RHBDD2: variants seen among roughly 807,000 people sequenced by gnomAD.
RHBDD2 encodes the protein rhomboid domain-containing protein 2.
Under a neutral mutation model 21.7 loss-of-function variants are expected in RHBDD2, and 13 were observed. The ratio of observed to expected loss-of-function variants is 0.60; its 90% confidence interval spans 0.39 to 0.95. RHBDD2 has a LOEUF of 0.95. Ranked by LOEUF, RHBDD2 falls within the 40% of genes least tolerant of loss-of-function variation. The pLI, the probability that RHBDD2 is intolerant of heterozygous loss-of-function variation, is 0.00. For missense variants in RHBDD2, 473 were observed against 478.9 expected (o/e 0.99, Z 0.11); for synonymous variants, 225 against 220.0 (o/e 1.02, Z -0.20).
In RHBDD2 at chr7:75,882,033, A is replaced by C; in HGVS notation, c.383A>C (p.Glu128Ala). The C allele has an allele frequency of 6.2e-7, 1 of 1,613,814 alleles. No individual in the cohort carries two copies. The highest frequency in any genetic ancestry group is 2.2e-5 in the East Asian group (1 of 44,860). ...GTGTCATCACTGTCAAAGCTGGGGG[A>C]AGTGGAGGATGCCAGAGGTTTCACC... ...EAVSSLSKLG[E>A]VEDARGFTPV... The change falls in exon 2 of 4, where the codon GAA becomes GCA. Residue 128 changes from glutamate (E) to alanine (A), a missense_variant. By Grantham distance (107) the Glu-to-Ala change is moderately radical. Transcript: ENST00000006777.
At chr7:75,884,666 T>C (rs1805546860) in intron 3 of RHBDD2, among the ~76,000 whole-genome samples, 1 of 152,094 alleles carries the variant, frequency 6.6e-6, no homozygotes, top group South Asian at 2.1e-4. Flanking sequence ...GCTTCTGAAG[T>C]AGCAACAGCA....
intron 1 of RHBDD2, among the ~76,000 whole-genome samples, chr7:75,880,822 A>G (rs7792286): frequency 6.6e-6 from 1 of 151,908 alleles, no homozygotes; most frequent in African/African-American, 2.4e-5. Flanking sequence ...AACTCCTGGA[A>G]TCAAGCGAGC....
At chr7:75,881,523 G>A in intron 1 of RHBDD2, 8 of 1,335,962 alleles carry the variant, frequency 6.0e-6, no homozygotes, top group Non-Finnish European at 7.8e-6. Flanking sequence ...GGATTATAAA[G>A]CACTTTACAA....
At position 75,879,099 on chromosome 7, in the gene RHBDD2, C is replaced by T. The variant is rs1196129523; in HGVS notation, c.17C>T (p.Pro6Leu). MAASG[P>L]GCRSWCLCPE... The stretch of plus-strand genomic sequence containing the variant: ...ACGGCGGCCATGGCGGCCTCGGGGC[C>T]CGGGTGTCGCAGCTGGTGCTTGTGT... The change falls in exon 1 of 4, where the codon CCC becomes CTC. Residue 6 changes from proline to leucine, a missense_variant. Coordinates refer to ENST00000006777, the MANE Select transcript of RHBDD2 (RefSeq NM_001040456.3). The T allele has an allele frequency of 2.2e-6, 3 of 1,367,482 alleles. No individual in the cohort carries two copies. Among genetic ancestry groups the T allele is most frequent in the Admixed American group, 3.7e-5 (1 of 26,952 alleles). 84.7% of individuals were successfully genotyped at this position (1,367,482 alleles called of 1,614,324 possible).
rs782040317 is a variant in RHBDD2 at position 75,888,517 on chromosome 7, A to G, written c.*168A>G. The G allele has an allele frequency of 1.3e-5, 8 of 612,056 alleles. No individual in the cohort carries two copies. Among genetic ancestry groups the G allele is most frequent in the Non-Finnish European group, 2.0e-5 (7 of 348,594 alleles). The allele number at this position is 612,056 out of a possible 1,614,324, so 37.9% of individuals were successfully genotyped here. ...TGTACTCACGGCAGCCCTGTGGAGTACGGTGTACTGGCCCAGCTTACAGAT... is the reference window on the plus strand; with the variant it reads ...TGTACTCACGGCAGCCCTGTGGAGTGCGGTGTACTGGCCCAGCTTACAGAT... On this transcript the variant is annotated 3_prime_UTR_variant, in exon 4 of 4. Coordinates refer to ENST00000006777, the MANE Select transcript of RHBDD2 (RefSeq NM_001040456.3).
At chr7:75,887,621 G>GC (rs1805758330) in intron 3 of RHBDD2, among the ~76,000 whole-genome samples, 2 of 152,082 alleles carry the variant, frequency 1.3e-5, no homozygotes, top group African/African-American at 4.8e-5. Context: ...ACCATGCCCA[G>GC]CCTGAATCCG....
rs114563143 is a variant in RHBDD2, at chr7:75,883,223, A to G, written c.587-475A>G. On this transcript the variant is annotated intron_variant, in intron 2 of 3. Transcript: ENST00000006777. The stretch of plus-strand genomic sequence containing the variant: ...ATTCCCGGTGAGGCACAGTGAGTAG[A>G]AACCTTTGGCTCTGGGGTCAGGCGC... Among the ~76,000 whole-genome samples the G allele has an allele frequency of 2.5e-3, 381 of 152,292 alleles. 2 individuals carry two copies. Among genetic ancestry groups the G allele is most frequent in the African/African-American group, 8.8e-3 (366 of 41,574 alleles).
chr7:75,881,945 C>A lies in RHBDD2; in HGVS notation c.295C>A (p.His99Asn), dbSNP rs782349445. ...NFERTVGTVR[H>N]CFFTVIFAIF... ...CGAGAGAACCGTGGGCACCGTCCGC[C>A]ACTGCTTCTTCACCGTGATCTTCGC... Residue 99 changes from histidine (H) to asparagine (N), a missense_variant, in exon 2 of 4, where the codon CAC becomes AAC. His to Asn is a moderately conservative substitution (Grantham distance 68). Transcript: ENST00000006777. 1.9e-6 allele frequency: 3 copies of A among 1,614,136 alleles called. No homozygotes were observed. In the African/African-American group the frequency reaches 4.0e-5, roughly 22 times the overall value.
chr7:75,886,762 C>T (rs1426473135), intron 3 of RHBDD2, among the ~76,000 whole-genome samples: 1 of 150,936 alleles, frequency 6.6e-6, no homozygotes, highest in Non-Finnish European at 1.5e-5. Context: ...TGCAGTGAGC[C>T]GAGATCGCGC....
Position 75,883,902 on chromosome 7 carries a change from T to A in RHBDD2, c.737+54T>A, listed in dbSNP as rs192837060. ...AAATCTTTTTTAAAAAAAAAATTAT[T>A]TTTTTTTTTTGAGACGGAGTCTCAC... On this transcript the variant is annotated intron_variant, in intron 3 of 3. Coordinates refer to ENST00000006777, the MANE Select transcript of RHBDD2 (RefSeq NM_001040456.3). 7,000 of 1,430,672 alleles carry A rather than the reference T, an allele frequency of 4.9e-3. 138 individuals carry two copies. In the African/African-American group the frequency reaches 0.063, roughly 13 times the overall value. 88.6% of individuals were successfully genotyped at this position (1,430,672 alleles called of 1,614,324 possible). A position where few individuals can be genotyped will look rare whatever the true frequency, so the allele number is the denominator to read the frequency against.
chr7:75,881,137 A>G lies in RHBDD2; in HGVS notation c.179-692A>G, dbSNP rs114269827. Among the ~76,000 whole-genome samples the G allele has an allele frequency of 3.1e-3, 470 of 152,308 alleles. 1 individual carries two copies. The highest frequency in any genetic ancestry group is 0.01 in the African/African-American group (427 of 41,574). On this transcript the variant is annotated intron_variant, in intron 1 of 3. Transcript: ENST00000006777. ...CACTGGAGGCCAGGAGTTCAAGGCT[A>G]GCCTGGGCAACGTAGCAAGACTTTG...
intron 3 of RHBDD2, among the ~76,000 whole-genome samples, chr7:75,884,152 C>T (rs782680607): frequency 2.0e-5 from 3 of 152,166 alleles, no homozygotes; most frequent in Non-Finnish European, 4.4e-5. Flanking sequence ...CTCGGCCTCC[C>T]AAAGTGCTGG....
intron 1 of RHBDD2, chr7:75,881,461 A>G: frequency 3.1e-6 from 4 of 1,300,956 alleles, no homozygotes; most frequent in Non-Finnish European, 4.0e-6. Context: ...TGTTACACTT[A>G]ATTAACCCTC....
chr7:75,886,961 C>T (rs1356191144), intron 3 of RHBDD2, among the ~76,000 whole-genome samples: 8 of 152,080 alleles, frequency 5.3e-5, no homozygotes, highest in East Asian at 1.9e-4. Context: ...GTGTTCCCCA[C>T]GTGACATGGA....
At chr7:75,884,933 A>G (rs1202513886) in intron 3 of RHBDD2, among the ~76,000 whole-genome samples, 1 of 152,082 alleles carries the variant, frequency 6.6e-6, no homozygotes, top group Non-Finnish European at 1.5e-5. Flanking sequence ...GGCCAACGTG[A>G]TGAAACCCCA....
chr7:75,885,028 CA>C (rs1805572970), intron 3 of RHBDD2, among the ~76,000 whole-genome samples: 3 of 151,154 alleles, frequency 2.0e-5, no homozygotes, highest in African/African-American at 7.3e-5. Context: ...GCAGGAGAAT[CA>C]CTCGAACCTG....
intron 3 of RHBDD2, among the ~76,000 whole-genome samples, chr7:75,885,174 A>T (rs980507409): frequency 6.0e-5 from 9 of 150,614 alleles, no homozygotes; most frequent in Non-Finnish European, 8.8e-5. Flanking sequence ...GCTGCTTAGG[A>T]GGTGGCCCAG....
At chr7:75,884,428 C>T (rs1554543357) in intron 3 of RHBDD2, among the ~76,000 whole-genome samples, 1 of 152,036 alleles carries the variant, frequency 6.6e-6, no homozygotes, top group East Asian at 1.9e-4. Flanking sequence ...ACTGTGTTAC[C>T]AAGGCTGGTC....
chr7:75,881,446 G>C (rs782723465), intron 1 of RHBDD2: 28 of 1,297,692 alleles, frequency 2.2e-5, no homozygotes, highest in Non-Finnish European at 2.8e-5. Flanking sequence ...AATCCACCCC[G>C]AAGCTGTTAC....
Sources: allele counts gnomAD v4.1 joint callset (sites outside exome capture counted in the v4.1 genomes callset), GRCh38; gene constraint gnomAD v4.1.1; transcripts MANE v1.5; gene names NCBI Gene and HGNC (gene_info 2026-07-23, HGNC 2026-07-21).